ARHGEF38: variants seen among roughly 807,000 people sequenced by gnomAD.
ARHGEF38 encodes the protein Rho guanine nucleotide exchange factor 38.
Under a neutral mutation model 79.9 loss-of-function variants are expected in ARHGEF38, and 79 were observed. That is an observed-to-expected ratio of 0.99 (90% CI 0.82 to 1.19). The LOEUF (loss-of-function observed/expected upper bound fraction) is 1.19, where lower values mean the gene tolerates loss of function less well. Ranked by LOEUF, ARHGEF38 falls within the 50% of genes most tolerant of loss-of-function variation. The pLI, the probability that ARHGEF38 is intolerant of heterozygous loss-of-function variation, is 0.00. For synonymous variants in ARHGEF38, 366 were observed against 328.3 expected (o/e 1.11, Z -1.24); for missense variants, 962 against 907.2 (o/e 1.06, Z -0.78).
intron 4 of ARHGEF38, among the ~76,000 whole-genome samples, chr4:105,632,255 T>C (rs1421991032): frequency 6.6e-6 from 1 of 152,206 alleles, no homozygotes; most frequent in Non-Finnish European, 1.5e-5. Flanking sequence ...CTTCATGCTA[T>C]GGAAAAGAAT....
intron 4 of ARHGEF38, 179 bp downstream of exon 4, chr4:105,631,224 T>G (rs376484696): frequency 8.0e-7 from 1 of 1,252,998 alleles, no homozygotes; most frequent in Non-Finnish European, 1.0e-6. Context: ...TTGACTTTTT[T>G]TCCCCCTGCG....
chr4:105,631,738 AT>A (rs1729202109), intron 4 of ARHGEF38: 4 of 859,070 alleles, frequency 4.7e-6, no homozygotes, highest in Non-Finnish European at 5.6e-6. Context: ...ATATGTATAA[AT>A]GTGGGTATGT....
At chr4:105,581,000 G>A (rs931061985) in intron 1 of ARHGEF38, among the ~76,000 whole-genome samples, 5 of 152,092 alleles carry the variant, frequency 3.3e-5, no homozygotes, top group Admixed American at 2.0e-4. Flanking sequence ...TTGGTGGAGA[G>A]TTCTGTAGAG....
chr4:105,624,427 G>T (rs1728861707), intron 3 of ARHGEF38, among the ~76,000 whole-genome samples: 2 of 152,014 alleles, frequency 1.3e-5, no homozygotes, highest in Non-Finnish European at 2.9e-5. Flanking sequence ...TAATAAAATG[G>T]ATACTCAAGG....
chr4:105,677,049 C>T (rs934585413), intron 13 of ARHGEF38, among the ~76,000 whole-genome samples: 2 of 151,820 alleles, frequency 1.3e-5, no homozygotes, highest in Non-Finnish European at 2.9e-5. Context: ...CTGCAACCAC[C>T]GCCTCCCGGG....
At chr4:105,606,087 G>A (rs1044320723) in intron 2 of ARHGEF38, among the ~76,000 whole-genome samples, 5 of 152,072 alleles carry the variant, frequency 3.3e-5, no homozygotes, top group East Asian at 1.9e-4. Flanking sequence ...CCTACAGAAG[G>A]AGTAGAGGGC....
intron 2 of ARHGEF38, among the ~76,000 whole-genome samples, chr4:105,608,689 A>G (rs1728159900): frequency 6.6e-6 from 1 of 151,830 alleles, no homozygotes; most frequent in African/African-American, 2.4e-5. Flanking sequence ...GTCACCCTGT[A>G]TCTTCTTTCT....
intron 10 of ARHGEF38, among the ~76,000 whole-genome samples, chr4:105,663,338 A>G (rs1017220947): frequency 1.3e-5 from 2 of 152,206 alleles, no homozygotes; most frequent in Admixed American, 6.5e-5. Flanking sequence ...ACCACAATTT[A>G]CCATTATAAG....
At chr4:105,587,988 C>T (rs2110453969) in intron 1 of ARHGEF38, among the ~76,000 whole-genome samples, 1 of 152,270 alleles carries the variant, frequency 6.6e-6, no homozygotes. Context: ...TATTGAGTCT[C>T]TGCCTTAAAT....
chr4:105,681,857 G>A (rs72671805), downstream of ARHGEF38, among the ~76,000 whole-genome samples: 8,181 of 152,236 alleles, frequency 0.054, 253 homozygotes, highest in Middle Eastern at 0.14. Context: ...ATTAGGTAAA[G>A]TGCTATAACA....
intron 13 of ARHGEF38, among the ~76,000 whole-genome samples, chr4:105,668,059 A>G (rs902145108): frequency 6.6e-6 from 1 of 152,186 alleles, no homozygotes; most frequent in African/African-American, 2.4e-5. Flanking sequence ...GATTGCTGCC[A>G]TCAATAGCAC....
At position 105,613,225 on chromosome 4, in the gene ARHGEF38, GA is replaced by G. The variant is rs574550680; in HGVS notation, c.385-150del. Among the ~76,000 whole-genome samples the G allele has an allele frequency of 3.7e-3, 556 of 150,584 alleles. 3 individuals carry two copies. The highest frequency in any genetic ancestry group is 0.01 in the African/African-American group (420 of 41,092). On this transcript the variant is annotated intron_variant, in intron 2 of 13. Coordinates refer to ENST00000420470, the MANE Select transcript of ARHGEF38 (RefSeq NM_001242729.2). ...ACAGATGCATCATCCCAATTTCTTG[GA>G]AAAAAAAACTGCACTCTAGAATTCC...
chr4:105,680,355 CCATT>C lies in ARHGEF38; in HGVS notation c.*2427_*2430del. ...CTTGTTAGCACACTTGCTTATCTGT[CCATT>C]CATTCATTGAACCAGTAAGTATTTA... On this transcript the variant is annotated 3_prime_UTR_variant, in exon 14 of 14. Coordinates refer to ENST00000420470, the MANE Select transcript of ARHGEF38 (RefSeq NM_001242729.2). The C allele has an allele frequency of 4.0e-6, 1 of 250,062 alleles. No individual in the cohort carries two copies. Among genetic ancestry groups the C allele is most frequent in the Non-Finnish European group, 7.9e-6 (1 of 127,062 alleles). The allele number at this position is 250,062 out of a possible 1,614,324, so 15.5% of individuals were successfully genotyped here. A position where few individuals can be genotyped will look rare whatever the true frequency, so the allele number is the denominator to read the frequency against.
chr4:105,644,243 T>C (rs1729745307), intron 5 of ARHGEF38, among the ~76,000 whole-genome samples: 1 of 152,226 alleles, frequency 6.6e-6, no homozygotes, highest in Non-Finnish European at 1.5e-5. Context: ...TCTAATAATA[T>C]GGTCAGTCAT....
At chr4:105,632,621 C>G (rs897988293) in intron 4 of ARHGEF38, 6 of 152,152 alleles carry the variant, frequency 3.9e-5, no homozygotes, top group African/African-American at 1.4e-4. Flanking sequence ...CCTTTCCTAC[C>G]TTAAACAAGT....
intron 1 of ARHGEF38, among the ~76,000 whole-genome samples, chr4:105,575,070 G>A (rs1333932566): frequency 3.3e-5 from 5 of 151,696 alleles, no homozygotes. Flanking sequence ...TGGTCAGTGG[G>A]CACTTAGGTT....
intron 3 of ARHGEF38, among the ~76,000 whole-genome samples, chr4:105,630,238 A>T (rs1037551082): frequency 4.0e-5 from 6 of 149,700 alleles, no homozygotes; most frequent in African/African-American, 1.5e-4. Context: ...CACCAACTCT[A>T]AACTGCAACT....
Position 105,612,829 on chromosome 4 carries a change from T to G in ARHGEF38, c.385-555T>G, listed in dbSNP as rs1728351135. 2.0e-5 allele frequency among the ~76,000 whole-genome samples: 3 copies of G among 152,264 alleles called. No homozygotes were observed. In the South Asian group the frequency reaches 6.2e-4, roughly 32 times the overall value. On this transcript the variant is annotated intron_variant, in intron 2 of 13. Transcript: ENST00000420470. ...AAGATCTAAGAATAATTACACTGGT[T>G]GTTAAGGGTGTGCATGAAATAACAA...
chr4:105,604,981 C>T (rs749031293), intron 2 of ARHGEF38, among the ~76,000 whole-genome samples: 8 of 152,076 alleles, frequency 5.3e-5, no homozygotes, highest in Non-Finnish European at 1.2e-4. Context: ...TCTATGCTTT[C>T]TAAACAATTT....
Sources: gnomAD v4.1 joint callset for allele counts (sites outside exome capture counted in the v4.1 genomes callset) on GRCh38, gnomAD v4.1.1 for gene constraint, MANE v1.5 for transcripts, NCBI Gene and HGNC (gene_info 2026-07-23, HGNC 2026-07-21) for gene names.